Variants in KCNMA1 observed in about 807,000 individuals in gnomAD.
The protein encoded by KCNMA1 is Calcium-activated potassium channel subunit alpha-1.
Under a neutral mutation model 140.0 loss-of-function variants are expected in KCNMA1, and 29 were observed. That is an observed-to-expected ratio of 0.21 (90% CI 0.15 to 0.28). The LOEUF is 0.28. Ranked by LOEUF, KCNMA1 falls within the 10% of genes least tolerant of loss-of-function variation. The pLI, the probability that KCNMA1 is intolerant of heterozygous loss-of-function variation, is 1.00. For missense variants in KCNMA1, 880 were observed against 1,602.2 expected (o/e 0.55, Z 7.70); for synonymous variants, 612 against 611.9 (o/e 1.00, Z 0.00).
chr10:77,132,711 A>G (rs2925826), intron 5 of KCNMA1, among the ~76,000 whole-genome samples: 18,889 of 152,166 alleles, frequency 0.12, 2,741 homozygotes, highest in East Asian at 0.73. Context: ...CTTCAAAGCA[A>G]CAAGAGTCAA....
chr10:77,193,674 C>T (rs2154141955), intron 3 of KCNMA1, among the ~76,000 whole-genome samples: 1 of 152,324 alleles, frequency 6.6e-6, no homozygotes, highest in East Asian at 1.9e-4. Flanking sequence ...TACACACAAA[C>T]ATCCCCAGCC....
chr10:77,543,866 T>C (rs1387553333), intron 1 of KCNMA1, among the ~76,000 whole-genome samples: 1 of 152,118 alleles, frequency 6.6e-6, no homozygotes, highest in African/African-American at 2.4e-5. Context: ...TTTTCATCAT[T>C]TATAACATGG....
chr10:77,459,849 G>A (rs1358772826), intron 1 of KCNMA1, among the ~76,000 whole-genome samples: 1 of 152,182 alleles, frequency 6.6e-6, no homozygotes, highest in East Asian at 1.9e-4. Context: ...TGATCTCTCT[G>A]AGCCTGCATT....
At chr10:77,323,116 T>C (rs2082842484) in intron 2 of KCNMA1, among the ~76,000 whole-genome samples, 1 of 152,220 alleles carries the variant, frequency 6.6e-6, no homozygotes, top group Admixed American at 6.5e-5. Flanking sequence ...AAAGGGAATG[T>C]GGCCTTGATA....
intron 23 of KCNMA1, among the ~76,000 whole-genome samples, chr10:76,917,862 G>A (rs2053615299): frequency 6.6e-6 from 1 of 152,116 alleles, no homozygotes; most frequent in Admixed American, 6.6e-5. Flanking sequence ...TACTGATATG[G>A]GAAAATTATG....
At chr10:77,497,047 G>T (rs188549401) in intron 1 of KCNMA1, among the ~76,000 whole-genome samples, 1 of 152,304 alleles carries the variant, frequency 6.6e-6, no homozygotes, top group East Asian at 1.9e-4. Context: ...GTTGCCCAAG[G>T]CCTCTGCAGA....
At chr10:77,115,466 G>A (rs779983561) in intron 6 of KCNMA1, among the ~76,000 whole-genome samples, 4 of 152,172 alleles carry the variant, frequency 2.6e-5, no homozygotes, top group South Asian at 2.1e-4. Flanking sequence ...GATAGCCGGC[G>A]ACAAAGGGAG....
chr10:77,188,824 A>AC, intron 3 of KCNMA1, among the ~76,000 whole-genome samples: 1 of 152,098 alleles, frequency 6.6e-6, no homozygotes, highest in Non-Finnish European at 1.5e-5. Context: ...AGTGAGGGCT[A>AC]CCCAGGTTTT....
intron 2 of KCNMA1, among the ~76,000 whole-genome samples, chr10:77,359,493 T>C (rs777407288): frequency 1.3e-5 from 2 of 152,108 alleles, no homozygotes; most frequent in African/African-American, 2.4e-5. Context: ...TGCAGTTCTC[T>C]GGGAATAATC....
chr10:77,006,761 C>T (rs1234400194), intron 18 of KCNMA1, among the ~76,000 whole-genome samples: 3 of 152,176 alleles, frequency 2.0e-5, no homozygotes, highest in Non-Finnish European at 2.9e-5. Context: ...CACATTTTCT[C>T]TCCAATTCTG....
intron 18 of KCNMA1, among the ~76,000 whole-genome samples, chr10:77,008,440 G>C (rs1395644988): frequency 6.6e-6 from 1 of 152,178 alleles, no homozygotes; most frequent in East Asian, 1.9e-4. Context: ...TAGACCCTGA[G>C]AACTTGCTCC....
intron 2 of KCNMA1, chr10:77,304,241 T>C (rs1458309235): frequency 2.0e-5 from 3 of 152,170 alleles, no homozygotes; most frequent in Non-Finnish European, 4.4e-5. Context: ...CCCTGAGAAA[T>C]GACTGAATGT....
chr10:77,106,268 A>G (rs75622073), intron 9 of KCNMA1, among the ~76,000 whole-genome samples: 2 of 152,198 alleles, frequency 1.3e-5, no homozygotes, highest in African/African-American at 2.4e-5. Flanking sequence ...AAGAAAAAAA[A>G]GAGAAAGAGA....
chr10:77,487,530 C>T (rs2098475479), intron 1 of KCNMA1, among the ~76,000 whole-genome samples: 1 of 152,164 alleles, frequency 6.6e-6, no homozygotes, highest in Admixed American at 6.5e-5. Flanking sequence ...CTGCACATTC[C>T]CCTTACCACA....
At chr10:76,999,574 A>G (rs944010455) in intron 19 of KCNMA1, among the ~76,000 whole-genome samples, 1 of 152,164 alleles carries the variant, frequency 6.6e-6, no homozygotes, top group Non-Finnish European at 1.5e-5. Flanking sequence ...CACATCGTAG[A>G]CAGACAAGTT....
chr10:77,194,912 T>C (rs944755680), intron 3 of KCNMA1, among the ~76,000 whole-genome samples: 2 of 152,202 alleles, frequency 1.3e-5, no homozygotes, highest in Non-Finnish European at 2.9e-5. Context: ...CAGAAAACAA[T>C]GTCACATAAC....
intron 15 of KCNMA1, 64 bp from the exon 16 acceptor site, chr10:77,027,955 ACTATTAC>A (rs1314116440): frequency 7.3e-7 from 1 of 1,363,398 alleles, no homozygotes; most frequent in Non-Finnish European, 1.0e-6. Context: ...CATAACACAC[ACTATTAC>A]GATCTTTCGG....
chr10:76,871,088 T>A (rs2031224429), exon 28 of KCNMA1: 1 of 152,314 alleles, frequency 6.6e-6, no homozygotes, highest in African/African-American at 2.4e-5. Context: ...GATCTAAACC[T>A]ACACTTTCTC....
At chr10:77,537,424 C>T (rs933151512) in intron 1 of KCNMA1, among the ~76,000 whole-genome samples, 5 of 152,182 alleles carry the variant, frequency 3.3e-5, no homozygotes, top group African/African-American at 1.2e-4. Context: ...CACCCAGGGC[C>T]CACCTTCCCC....
Sources: gnomAD v4.1 joint callset for allele counts (sites outside exome capture counted in the v4.1 genomes callset) on GRCh38, gnomAD v4.1.1 for gene constraint, MANE v1.5 for transcripts, NCBI Gene and HGNC (gene_info 2026-07-23, HGNC 2026-07-21) for gene names.